The following SCIN variants were observed in gnomAD, a reference collection of about 807,000 sequenced individuals.
SCIN encodes the protein scinderin.
Under a neutral mutation model 91.8 loss-of-function variants are expected in SCIN, and 91 were observed. That is an observed-to-expected ratio of 0.99 (90% CI 0.84 to 1.18). The LOEUF is 1.18. Among genes scored for constraint, SCIN ranks in the 50% most tolerant of loss-of-function variants. SCIN has a pLI of 0.00. For synonymous variants in SCIN, 367 were observed against 312.6 expected (o/e 1.17, Z -1.84); for missense variants, 1,087 against 863.9 (o/e 1.26, Z -3.24).
intron 1 of SCIN, 164 bp downstream of exon 1, chr7:12,571,149 G>C: frequency 2.7e-6 from 2 of 741,158 alleles, no homozygotes; most frequent in Non-Finnish European, 4.2e-6. Flanking sequence ...TCTCCCTACC[G>C]AAGTCAACTC....
chr7:12,592,690 T>C (rs1354580516), intron 3 of SCIN, among the ~76,000 whole-genome samples: 1 of 151,772 alleles, frequency 6.6e-6, no homozygotes, highest in Non-Finnish European at 1.5e-5. Context: ...CAATGAGGCA[T>C]GATAAGGAAA....
chr7:12,636,127 G>T lies in SCIN; in HGVS notation c.1402G>T (p.Ala468Ser). The change falls in exon 10 of 16, where the codon GCT becomes TCT. Residue 468 changes from alanine (A) to serine (S), a missense_variant. Transcript: ENST00000297029. The stretch of plus-strand genomic sequence containing the variant: ...GTTGGATCGGTCCCTTGGAGGACAG[G>T]CTGTGCAGGTTGGGATATTTTTACC... ...VQLDRSLGGQAVQIRVSQGKE... is the reference protein window; with the variant it reads ...VQLDRSLGGQSVQIRVSQGKE... The T allele has an allele frequency of 6.2e-7, 1 of 1,611,932 alleles. No individual in the cohort carries two copies. Among genetic ancestry groups the T allele is most frequent in the Non-Finnish European group, 8.5e-7 (1 of 1,179,014 alleles).
rs1473380224 is a variant in SCIN, at chr7:12,654,037, C to G, written c.*1322C>G. 1 of 152,016 alleles carries G rather than the reference C, an allele frequency of 6.6e-6. No homozygotes were observed. Among genetic ancestry groups the G allele is most frequent in the African/African-American group, 2.4e-5 (1 of 41,388 alleles). 9.4% of individuals were successfully genotyped at this position (152,016 alleles called of 1,614,324 possible). A position where few individuals can be genotyped will look rare whatever the true frequency, so the allele number is the denominator to read the frequency against. On this transcript the variant is annotated 3_prime_UTR_variant, in exon 16 of 16. Transcript: ENST00000297029. ...ATATAGGTCATTGAAAAAGAAGAAG[C>G]TACGTTAGAACCCATGGAAAGAACT...
intron 3 of SCIN, among the ~76,000 whole-genome samples, chr7:12,603,900 A>T (rs1032288820): frequency 6.9e-5 from 5 of 72,240 alleles, no homozygotes; most frequent in African/African-American, 1.9e-4. Context: ...GAAAACCCTT[A>T]TATGTGTGGT....
At chr7:12,648,354 T>C (rs1784008878) in intron 13 of SCIN, among the ~76,000 whole-genome samples, 1 of 147,254 alleles carries the variant, frequency 6.8e-6, no homozygotes, top group Non-Finnish European at 1.5e-5. Flanking sequence ...TGGAGTGCAA[T>C]GGCACGGTCT....
chr7:12,648,882 G>C (rs570547854), intron 13 of SCIN, among the ~76,000 whole-genome samples: 14 of 152,210 alleles, frequency 9.2e-5, no homozygotes, highest in Admixed American at 6.5e-4. Context: ...CAAATGAATG[G>C]GGTCAGCATT....
chr7:12,596,253 T>C, intron 3 of SCIN: 1 of 416,724 alleles, frequency 2.4e-6, no homozygotes, highest in Non-Finnish European at 4.8e-6. Flanking sequence ...AACCTGAGTC[T>C]TTCTTCCTTT....
chr7:12,621,095 A>C (rs1287828691), intron 4 of SCIN, among the ~76,000 whole-genome samples: 2 of 152,152 alleles, frequency 1.3e-5, no homozygotes, highest in African/African-American at 4.8e-5. Context: ...CAAAGATCAA[A>C]ATGTATGGCC....
chr7:12,625,235 G>A (rs1374535793), intron 6 of SCIN, 93 bp downstream of exon 6: 2 of 1,180,822 alleles, frequency 1.7e-6, no homozygotes, highest in Non-Finnish European at 2.3e-6. Context: ...TTAAAAAAAA[G>A]CCCACCTTTT....
At chr7:12,607,491 C>G (rs1289417217) in intron 4 of SCIN, among the ~76,000 whole-genome samples, 1 of 152,092 alleles carries the variant, frequency 6.6e-6, no homozygotes, top group African/African-American at 2.4e-5. Context: ...AAAAACTGTG[C>G]AAAAATATAA....
At chr7:12,586,834 A>G (rs1019345200) in intron 3 of SCIN, among the ~76,000 whole-genome samples, 3 of 152,218 alleles carry the variant, frequency 2.0e-5, no homozygotes, top group Admixed American at 6.5e-5. Context: ...GCGCAGAAAG[A>G]TAAATACTTC....
intron 3 of SCIN, among the ~76,000 whole-genome samples, chr7:12,592,525 G>T (rs186087872): frequency 2.0e-5 from 3 of 152,134 alleles, no homozygotes; most frequent in Non-Finnish European, 4.4e-5. Context: ...CTACGGAAGG[G>T]TTAATGAGAG....
chr7:12,599,622 G>A (rs1359835033), intron 3 of SCIN, among the ~76,000 whole-genome samples: 1 of 151,994 alleles, frequency 6.6e-6, no homozygotes, highest in Non-Finnish European at 1.5e-5. Context: ...GTCGTTAGTA[G>A]TTTACATTCC....
intron 4 of SCIN, among the ~76,000 whole-genome samples, chr7:12,620,542 T>A (rs1459961340): frequency 6.6e-6 from 1 of 152,074 alleles, no homozygotes; most frequent in Non-Finnish European, 1.5e-5. Context: ...TGATCTAGAG[T>A]CATATTCCTA....
chr7:12,632,407 A>G (rs2115282205), intron 9 of SCIN, among the ~76,000 whole-genome samples: 1 of 152,258 alleles, frequency 6.6e-6, no homozygotes, highest in East Asian at 1.9e-4. Context: ...TTGAGATTAC[A>G]GGCATGAGCC....
rs1204030107 is a variant in SCIN, at chr7:12,625,857, G to A, written c.981+7G>A. 6.3e-7 allele frequency: 1 copy of A among 1,588,116 alleles called. No homozygotes were observed. Among genetic ancestry groups the A allele is most frequent in the Non-Finnish European group, 8.6e-7 (1 of 1,159,268 alleles). ...TTATTCCAAGAATACCCAAGTATGT[G>A]TGAAACTGAACTGGCTAGAAAAAAA... On this transcript the variant is annotated splice_region_variant and intron_variant, in intron 7 of 15. Coordinates refer to ENST00000297029, the MANE Select transcript of SCIN (RefSeq NM_001112706.3).
chr7:12,573,466 TA>T (rs1161822064), intron 1 of SCIN, among the ~76,000 whole-genome samples: 2 of 152,192 alleles, frequency 1.3e-5, no homozygotes, highest in African/African-American at 2.4e-5. Context: ...AGTGTTTCCA[TA>T]ACACTTGGCA....
intron 3 of SCIN, among the ~76,000 whole-genome samples, chr7:12,597,397 T>C (rs1782865421): frequency 6.6e-6 from 1 of 152,218 alleles, no homozygotes; most frequent in Non-Finnish European, 1.5e-5. Flanking sequence ...ATTTTAGATG[T>C]ATTTAGAATA....
At chr7:12,597,478 A>G (rs1455350324) in intron 3 of SCIN, among the ~76,000 whole-genome samples, 1 of 152,222 alleles carries the variant, frequency 6.6e-6, no homozygotes, top group African/African-American at 2.4e-5. Flanking sequence ...TCAACATCGC[A>G]TAGGCTGTTT....
Sources: gnomAD v4.1 joint callset for allele counts (sites outside exome capture counted in the v4.1 genomes callset) on GRCh38, gnomAD v4.1.1 for gene constraint, MANE v1.5 for transcripts, NCBI Gene and HGNC (gene_info 2026-07-23, HGNC 2026-07-21) for gene names.